The following CTNNA2 variants were observed in gnomAD, a reference collection of about 807,000 sequenced individuals.
CTNNA2 encodes catenin alpha-2.
In CTNNA2, 42 loss-of-function variants were observed where a neutral mutation model predicts 101.0. The observed-to-expected ratio is 0.42, with a 90% CI of 0.32 to 0.54. The LOEUF (loss-of-function observed/expected upper bound fraction) is 0.54, where lower values mean the gene tolerates loss of function less well. CTNNA2 is among the 20% of genes least tolerant of loss of function. The probability of loss-of-function intolerance (pLI) is 0.14; values close to 1 mark genes in which losing one functional copy is unlikely to be tolerated. For missense variants in CTNNA2, 871 were observed against 1,223.1 expected, an observed-to-expected ratio of 0.71 and a Z score of 4.29; for synonymous variants, 450 against 456.4, an observed-to-expected ratio of 0.99 and a Z score of 0.18.
chr2:80,189,203 C>G (rs1486865957), intron 7 of CTNNA2, among the ~76,000 whole-genome samples: 2 of 152,102 alleles, frequency 1.3e-5, no homozygotes, highest in African/African-American at 4.8e-5. Flanking sequence ...ATCCACCTGC[C>G]TTGGCCTTCC....
chr2:79,263,561 T>C (rs1674950313), intron 2 of CTNNA2, among the ~76,000 whole-genome samples: 1 of 152,192 alleles, frequency 6.6e-6, no homozygotes, highest in African/African-American at 2.4e-5. Context: ...CCTCGGATAT[T>C]TATTTATAGC....
chr2:80,204,098 C>T (rs1382976929), intron 7 of CTNNA2, among the ~76,000 whole-genome samples: 1 of 152,154 alleles, frequency 6.6e-6, no homozygotes, highest in Non-Finnish European at 1.5e-5. Context: ...GACCCTGGGC[C>T]CGGACCACAA....
At chr2:80,327,979 G>A (rs1034621060) in intron 7 of CTNNA2, among the ~76,000 whole-genome samples, 2 of 151,950 alleles carry the variant, frequency 1.3e-5, no homozygotes, top group Non-Finnish European at 2.9e-5. Context: ...CCCACAATTC[G>A]GATGCCTGGA....
At chr2:80,170,147 T>C (rs572613308) in intron 7 of CTNNA2, among the ~76,000 whole-genome samples, 16 of 152,298 alleles carry the variant, frequency 1.1e-4, no homozygotes, top group Admixed American at 5.9e-4. Flanking sequence ...TTTTTGTTTT[T>C]CTTTTTATAA....
At chr2:80,022,202 A>G (rs1270453861) in intron 7 of CTNNA2, among the ~76,000 whole-genome samples, 3 of 152,216 alleles carry the variant, frequency 2.0e-5, no homozygotes, top group Non-Finnish European at 4.4e-5. Flanking sequence ...ATAGGTATCT[A>G]TTCTTTTGCT....
intron 9 of CTNNA2, among the ~76,000 whole-genome samples, chr2:80,485,297 G>C (rs1445824229): frequency 6.6e-6 from 1 of 152,124 alleles, no homozygotes; most frequent in Non-Finnish European, 1.5e-5. Context: ...CAGCATCCCT[G>C]TGCCAGGAAG....
At chr2:80,461,566 G>A (rs1406740680) in intron 9 of CTNNA2, among the ~76,000 whole-genome samples, 2 of 152,034 alleles carry the variant, frequency 1.3e-5, no homozygotes, top group Non-Finnish European at 1.5e-5. Context: ...GAATGTTTCT[G>A]TTTGTTTGAC....
intron 4 of CTNNA2, among the ~76,000 whole-genome samples, chr2:79,394,473 A>G (rs1178425514): frequency 1.3e-5 from 2 of 152,234 alleles, no homozygotes; most frequent in African/African-American, 4.8e-5. Flanking sequence ...TAACAATCAA[A>G]AATACATTAC....
intron 8 of CTNNA2, among the ~76,000 whole-genome samples, chr2:80,404,037 C>A (rs1384473149): frequency 6.6e-6 from 1 of 152,080 alleles, no homozygotes; most frequent in African/African-American, 2.4e-5. Context: ...ATTTTTGCAT[C>A]GATATTCATC....
chr2:79,461,084 C>T (rs80074145), intron 4 of CTNNA2, among the ~76,000 whole-genome samples: 10,542 of 152,212 alleles, frequency 0.069, 763 homozygotes, highest in African/African-American at 0.19. Flanking sequence ...TCAAGTGATC[C>T]CCCCGCCTCA....
chr2:79,983,880 T>C (rs540696), intron 7 of CTNNA2, among the ~76,000 whole-genome samples: 86,598 of 151,672 alleles, frequency 0.57, 27,802 homozygotes, highest in Non-Finnish European at 0.74. Context: ...TGACTCACGT[T>C]TATACCATGC....
chr2:80,297,486 T>A (rs1675851000), intron 7 of CTNNA2, among the ~76,000 whole-genome samples: 1 of 152,166 alleles, frequency 6.6e-6, no homozygotes, highest in African/African-American at 2.4e-5. Context: ...ATCTCATTTA[T>A]ATCTTTGTCT....
At chr2:80,297,731 A>G in intron 7 of CTNNA2, among the ~76,000 whole-genome samples, 1 of 152,138 alleles carries the variant, frequency 6.6e-6, no homozygotes, top group Non-Finnish European at 1.5e-5. Flanking sequence ...TCTTCCCACT[A>G]GACAGCAGGT....
chr2:79,467,369 G>C (rs973756020), intron 4 of CTNNA2, among the ~76,000 whole-genome samples: 6 of 152,140 alleles, frequency 3.9e-5, no homozygotes, highest in African/African-American at 1.2e-4. Context: ...AAGAAATTTG[G>C]GACTATGTGA....
intron 3 of CTNNA2, among the ~76,000 whole-genome samples, chr2:79,370,025 C>A (rs1370003572): frequency 6.6e-6 from 1 of 152,168 alleles, no homozygotes; most frequent in African/African-American, 2.4e-5. Context: ...AGGTGCTCAA[C>A]TTTATGAAGC....
intron 7 of CTNNA2, among the ~76,000 whole-genome samples, chr2:80,100,396 C>G (rs1461505638): frequency 6.6e-6 from 1 of 152,186 alleles, no homozygotes; most frequent in Non-Finnish European, 1.5e-5. Flanking sequence ...AATTCCTCAC[C>G]AGTAGTTTTA....
intron 7 of CTNNA2, among the ~76,000 whole-genome samples, chr2:80,385,877 A>T (rs1332409540): frequency 6.6e-6 from 1 of 151,708 alleles, no homozygotes; most frequent in African/African-American, 2.4e-5. Flanking sequence ...TCTACCTACA[A>T]CCTGTGATTC....
chr2:80,114,320 A>T (rs1350635718), intron 7 of CTNNA2, among the ~76,000 whole-genome samples: 1 of 152,238 alleles, frequency 6.6e-6, no homozygotes, highest in Non-Finnish European at 1.5e-5. Flanking sequence ...ATTCAAATAC[A>T]TTAAGAAAAA....
intron 2 of CTNNA2, among the ~76,000 whole-genome samples, chr2:79,230,948 G>C (rs185923532): frequency 2.0e-5 from 3 of 152,318 alleles, no homozygotes; most frequent in Non-Finnish European, 4.4e-5. Flanking sequence ...ATTTGGAATG[G>C]CTGTATTTAC....
Sources: allele counts gnomAD v4.1 joint callset (sites outside exome capture counted in the v4.1 genomes callset), GRCh38; gene constraint gnomAD v4.1.1; transcripts MANE v1.5; gene names NCBI Gene and HGNC (gene_info 2026-07-23, HGNC 2026-07-21).